POLA1: variants seen among roughly 807,000 people sequenced by gnomAD.
POLA1 encodes DNA polymerase alpha catalytic subunit.
Under a neutral mutation model 124.0 loss-of-function variants are expected in POLA1, and 15 were observed. That is an observed-to-expected ratio of 0.12 (90% CI 0.08 to 0.19). The LOEUF (loss-of-function observed/expected upper bound fraction) is 0.19, where lower values mean the gene tolerates loss of function less well. Ranked by LOEUF, POLA1 falls within the 10% of genes least tolerant of loss-of-function variation. The pLI is 1.00. For missense variants in POLA1, 886 were observed against 1,103.4 expected (o/e 0.80, Z 2.79); for synonymous variants, 408 against 389.4 (o/e 1.05, Z -0.56).
At chrX:24,935,364 C>T in intron 36 of POLA1, among the ~76,000 whole-genome samples, 1 of 112,730 alleles carries the variant, frequency 8.9e-6, no homozygotes, top group East Asian at 2.8e-4. Context: ...CTGTTGAAGA[C>T]AGAAATTGGA....
chrX:24,947,713 T>A (rs932531496), intron 36 of POLA1, among the ~76,000 whole-genome samples: 1 of 112,277 alleles, frequency 8.9e-6, no homozygotes, highest in Non-Finnish European at 1.9e-5. Flanking sequence ...GAAGAACCGC[T>A]AAGAGACTTT....
intron 4 of POLA1, among the ~76,000 whole-genome samples, chrX:24,713,105 C>T (rs1175467820): frequency 1.8e-5 from 2 of 110,917 alleles, no homozygotes; most frequent in Non-Finnish European, 1.9e-5. Flanking sequence ...GCTGGGATTA[C>T]AGGCATGCAC....
At chrX:24,793,054 A>G (rs1025311467) in intron 26 of POLA1, among the ~76,000 whole-genome samples, 4 of 110,292 alleles carry the variant, frequency 3.6e-5, no homozygotes, top group Admixed American at 2.9e-4. Context: ...AGGTGGGTGG[A>G]TCACCTGAGA....
chrX:24,933,825 C>G (rs1221809397), intron 36 of POLA1, among the ~76,000 whole-genome samples: 1 of 112,445 alleles, frequency 8.9e-6, no homozygotes, highest in Non-Finnish European at 1.9e-5. Flanking sequence ...AGTTTACAGA[C>G]CATTAGTCCA....
intron 36 of POLA1, among the ~76,000 whole-genome samples, chrX:24,934,786 G>A (rs1480332488): frequency 1.8e-5 from 2 of 111,784 alleles, no homozygotes; most frequent in Admixed American, 9.4e-5. Flanking sequence ...GCAGTGGTGC[G>A]ATCTTGGCTC....
intron 36 of POLA1, among the ~76,000 whole-genome samples, chrX:24,962,391 G>A (rs1235444895): frequency 1.8e-5 from 2 of 111,895 alleles, no homozygotes; most frequent in Non-Finnish European, 3.8e-5. Flanking sequence ...AACAGATATC[G>A]CATTAACTTG....
intron 4 of POLA1, among the ~76,000 whole-genome samples, chrX:24,712,489 CTT>C (rs1806272500): frequency 8.9e-6 from 1 of 112,013 alleles, no homozygotes; most frequent in Non-Finnish European, 1.9e-5. Flanking sequence ...GGCTTTTTAT[CTT>C]TTAAGTTTTT....
chrX:24,800,315 C>G (rs1223395925), intron 26 of POLA1, among the ~76,000 whole-genome samples: 1 of 112,329 alleles, frequency 8.9e-6, no homozygotes, highest in Non-Finnish European at 1.9e-5. Context: ...GATCTTCTTT[C>G]TAGAAAAATG....
At chrX:24,694,948 G>A (rs1927875632) in intron 1 of POLA1, among the ~76,000 whole-genome samples, 1 of 111,979 alleles carries the variant, frequency 8.9e-6, no homozygotes, top group Non-Finnish European at 1.9e-5. Flanking sequence ...CGACCTGCCT[G>A]GATTACAGAT....
intron 35 of POLA1, among the ~76,000 whole-genome samples, chrX:24,904,014 A>G (rs1008166468): frequency 1.9e-5 from 2 of 105,148 alleles, no homozygotes; most frequent in Non-Finnish European, 3.9e-5. Flanking sequence ...GGCACCCTGC[A>G]GCCTCAATCT....
chrX:24,734,379 T>A (rs1308295949), intron 17 of POLA1: 1 of 112,088 alleles, frequency 8.9e-6, no homozygotes, highest in Non-Finnish European at 1.9e-5. Flanking sequence ...GAATTTTCTT[T>A]TATGGATTGT....
intron 36 of POLA1, among the ~76,000 whole-genome samples, chrX:24,938,693 C>T (rs1286403375): frequency 8.9e-6 from 1 of 112,630 alleles, no homozygotes; most frequent in Admixed American, 9.4e-5. Context: ...ACTACAAGAA[C>T]GAGAAAGTTG....
intron 10 of POLA1, among the ~76,000 whole-genome samples, chrX:24,719,241 G>A (rs997933326): frequency 1.8e-5 from 2 of 110,018 alleles, no homozygotes; most frequent in African/African-American, 6.6e-5. Context: ...TTACCTTAAA[G>A]ATAACCAGGC....
chrX:24,778,477 C>T (rs1020997369), intron 26 of POLA1, among the ~76,000 whole-genome samples: 8 of 111,898 alleles, frequency 7.1e-5, no homozygotes, highest in South Asian at 3.8e-4. Flanking sequence ...GTGATCTGCC[C>T]GCCTTGGTCT....
chrX:24,876,958 A>T (rs1423273743), intron 34 of POLA1, among the ~76,000 whole-genome samples: 1 of 112,214 alleles, frequency 8.9e-6, no homozygotes, highest in Non-Finnish European at 1.9e-5. Context: ...CCTAGTTGTA[A>T]TGTGGGTTGC....
intron 26 of POLA1, among the ~76,000 whole-genome samples, chrX:24,791,123 A>G (rs774871262): frequency 9.1e-6 from 1 of 109,852 alleles, no homozygotes; most frequent in East Asian, 2.9e-4. Flanking sequence ...AGCCTTTTGG[A>G]GCCTAAATGG....
intron 26 of POLA1, among the ~76,000 whole-genome samples, chrX:24,749,976 C>T (rs1932234993): frequency 8.9e-6 from 1 of 111,861 alleles, no homozygotes; most frequent in Non-Finnish European, 1.9e-5. Flanking sequence ...AGGTAGTGGT[C>T]ATGGGAAAAA....
intron 36 of POLA1, among the ~76,000 whole-genome samples, chrX:24,970,935 G>A (rs1040954296): frequency 1.8e-5 from 2 of 112,155 alleles, no homozygotes; most frequent in Admixed American, 9.4e-5. Flanking sequence ...CACAAGAAAC[G>A]AGGATACCTT....
intron 26 of POLA1, among the ~76,000 whole-genome samples, chrX:24,799,038 A>G (rs7473644): frequency 5.4e-4 from 60 of 112,096 alleles, no homozygotes; most frequent in Middle Eastern, 9.2e-3. Context: ...GAGGCCGTCT[A>G]GAAAGTGTGG....
Sources: gnomAD v4.1 joint callset for allele counts (sites outside exome capture counted in the v4.1 genomes callset) on GRCh38, gnomAD v4.1.1 for gene constraint, MANE v1.5 for transcripts, NCBI Gene and HGNC (gene_info 2026-07-23, HGNC 2026-07-21) for gene names.